The following PIEZO2 variants were observed in gnomAD, a reference collection of about 807,000 sequenced individuals.
The protein encoded by PIEZO2 is piezo type mechanosensitive ion channel component 2, also known as piezo-type mechanosensitive ion channel component 2.
A neutral mutation model predicts 337.3 loss-of-function variants in PIEZO2; 172 were observed. The ratio of observed to expected loss-of-function variants is 0.51; its 90% CI spans 0.45 to 0.58. The LOEUF is 0.58. Among genes scored for constraint, PIEZO2 ranks in the 20% least tolerant of loss-of-function variants. PIEZO2 has a pLI of 0.00. For synonymous variants in PIEZO2, 1,251 were observed against 1,228.5 expected (o/e 1.02, Z -0.38); for missense variants, 3,028 against 3,391.3 (o/e 0.89, Z 2.66).
At chr18:10,885,576 T>C (rs914826006) in intron 4 of PIEZO2, among the ~76,000 whole-genome samples, 1 of 152,306 alleles carries the variant, frequency 6.6e-6, no homozygotes, top group South Asian at 2.1e-4. Context: ...AAAATGATTT[T>C]GTTGTCATCT....
intron 2 of PIEZO2, among the ~76,000 whole-genome samples, chr18:11,060,504 T>A (rs534722298): frequency 1.3e-5 from 2 of 151,988 alleles, no homozygotes; most frequent in African/African-American, 4.8e-5. Context: ...ATTGATAGAC[T>A]GCTAGCAAGA....
Position 10,870,384 on chromosome 18 carries a change from T to C in PIEZO2, c.492+869A>G, listed in dbSNP as rs2042111036. Among the ~76,000 whole-genome samples the C allele has an allele frequency of 6.6e-6, 1 of 152,252 alleles. No homozygotes were observed. The highest frequency in any genetic ancestry group is 2.1e-4 in the South Asian group (1 of 4,834). On this transcript the variant is annotated intron_variant, in intron 5 of 55. Coordinates refer to ENST00000674853, the MANE Select transcript of PIEZO2 (RefSeq NM_001378183.1). The surrounding 1 kb of genome is among the most constrained non-coding windows in gnomAD (Gnocchi z 5.3). Reference sequence around the variant, plus strand: ...TAACTTCAGTTTTATAAGTGTAATATCTTGCCAAAGCTTATGACTGAAAAC... The same window carrying C: ...TAACTTCAGTTTTATAAGTGTAATACCTTGCCAAAGCTTATGACTGAAAAC...
In PIEZO2 at chr18:10,862,607, C is replaced by T. The variant is rs140618114; in HGVS notation, c.493-5396G>A. ...ATCCATGTTTCATTACTCCCAAGCA[C>T]TCTAAAAATCCAACTGGGTTGGAAT... On this transcript the variant is annotated intron_variant, in intron 5 of 55. Transcript: ENST00000674853. The surrounding 1 kb of genome is among the most constrained non-coding windows in gnomAD (Gnocchi z 4.4). Among the ~76,000 whole-genome samples the T allele has an allele frequency of 2.8e-3, 420 of 152,304 alleles. No homozygotes were observed. The Middle Eastern group carries it at 0.061, about 22-fold the overall frequency.
intron 49 of PIEZO2, among the ~76,000 whole-genome samples, chr18:10,686,957 G>T (rs2034570713): frequency 6.6e-6 from 1 of 152,138 alleles, no homozygotes; most frequent in Admixed American, 6.5e-5. Flanking sequence ...TAGGAACCAA[G>T]ATAAAAATGT....
chr18:10,726,654 C>A lies in PIEZO2; in HGVS notation c.5029+4753G>T. On this transcript the variant is annotated intron_variant, in intron 36 of 55. Transcript: ENST00000674853. This position sits in a 1 kb window ranked among gnomAD's most constrained non-coding sequence, Gnocchi z 5.9. ...AGTACTGCGCGCGCGCCAAGCGCGG[C>A]CAGACAGACACCTCGCTGCCAAGTT... 7.1e-7 allele frequency: 1 copy of A among 1,416,852 alleles called. No homozygotes were observed. The highest frequency in any genetic ancestry group is 9.6e-7 in the Non-Finnish European group (1 of 1,040,364). The allele number at this position is 1,416,852 out of a possible 1,614,324, so 87.8% of individuals were successfully genotyped here. A position where few individuals can be genotyped will look rare whatever the true frequency, so the allele number is the denominator to read the frequency against.
Position 11,021,817 on chromosome 18 carries a change from T to C in PIEZO2, c.161-42157A>G, listed in dbSNP as rs1158734786. ...GGACTGCAGATGCAAACCAGGAAAA[T>C]GCCCAGCTCTGCTGCAGTTCCATTC... is the stretch of plus-strand genomic sequence containing the variant. On this transcript the variant is annotated intron_variant, in intron 2 of 55. Coordinates refer to ENST00000674853, the MANE Select transcript of PIEZO2 (RefSeq NM_001378183.1). The surrounding 1 kb of genome is among the most constrained non-coding windows in gnomAD (Gnocchi z 4.7). Among the ~76,000 whole-genome samples the C allele has an allele frequency of 6.6e-6, 1 of 152,166 alleles. No homozygotes were observed. The highest frequency in any genetic ancestry group is 1.5e-5 in the Non-Finnish European group (1 of 68,030).
At chr18:10,944,515 CAGATAT>C (rs368351649) in intron 3 of PIEZO2, among the ~76,000 whole-genome samples, 1 of 15,158 alleles carries the variant, frequency 6.6e-5, no homozygotes, top group Non-Finnish European at 1.3e-4. Context: ...ATCTTAGTAA[CAGATAT>C]ATATATATAT....
At chr18:11,036,481 T>C (rs2036927550) in intron 2 of PIEZO2, among the ~76,000 whole-genome samples, 1 of 152,212 alleles carries the variant, frequency 6.6e-6, no homozygotes, top group Non-Finnish European at 1.5e-5. Flanking sequence ...TCCCTGGATA[T>C]ATCTTTATTC....
chr18:10,936,460 T>G (rs2032404104), intron 3 of PIEZO2, among the ~76,000 whole-genome samples: 1 of 152,126 alleles, frequency 6.6e-6, no homozygotes. Context: ...AACCAAAGAA[T>G]GGAGGCTTTG....
chr18:11,093,173 A>G (rs1194568830), intron 1 of PIEZO2, among the ~76,000 whole-genome samples: 1 of 152,150 alleles, frequency 6.6e-6, no homozygotes, highest in Non-Finnish European at 1.5e-5. Flanking sequence ...TCTCAATTAT[A>G]TAGTAACCTG....
At chr18:10,934,996 GC>G (rs2032303437) in intron 3 of PIEZO2, among the ~76,000 whole-genome samples, 1 of 152,100 alleles carries the variant, frequency 6.6e-6, no homozygotes, top group Non-Finnish European at 1.5e-5. Context: ...AAGCAGAAAA[GC>G]CAGGATTCTC....
At chr18:10,836,303 G>C (rs1026021261) in intron 7 of PIEZO2, among the ~76,000 whole-genome samples, 6 of 152,166 alleles carry the variant, frequency 3.9e-5, no homozygotes, top group Non-Finnish European at 8.8e-5. Context: ...GAGCTTATTG[G>C]CTCACTTATT....
In PIEZO2 at chr18:10,833,818, C is replaced by T. The variant is rs74526947; in HGVS notation, c.917+21535G>A. On this transcript the variant is annotated intron_variant, in intron 7 of 55. Coordinates refer to ENST00000674853, the MANE Select transcript of PIEZO2 (RefSeq NM_001378183.1). This position sits in a 1 kb window ranked among gnomAD's most constrained non-coding sequence, Gnocchi z 4.7. Reference sequence around the variant, plus strand: ...ATCTGCAAATCCTTTGTTTAAAAAACGCATTAGGCTGCCCTTTCCCTGAAG... The same window carrying T: ...ATCTGCAAATCCTTTGTTTAAAAAATGCATTAGGCTGCCCTTTCCCTGAAG... 0.02 allele frequency among the ~76,000 whole-genome samples: 3,012 copies of T among 152,328 alleles called. 39 individuals carry two copies. Among genetic ancestry groups the T allele is most frequent in the Non-Finnish European group, 0.033 (2,229 of 68,032 alleles).
intron 4 of PIEZO2, among the ~76,000 whole-genome samples, chr18:10,881,060 T>C (rs78198739): frequency 0.018 from 2,767 of 151,584 alleles, 81 homozygotes; most frequent in African/African-American, 0.059. Context: ...CTTCCAATAT[T>C]CAAATCAAGG....
At chr18:10,774,982 A>G (rs895160079) in intron 18 of PIEZO2, among the ~76,000 whole-genome samples, 2 of 152,192 alleles carry the variant, frequency 1.3e-5, no homozygotes, top group Admixed American at 6.5e-5. Context: ...TGTTGATTTG[A>G]TATTTGTAAA....
intron 1 of PIEZO2, among the ~76,000 whole-genome samples, chr18:11,120,056 C>T (rs1298548699): frequency 6.6e-6 from 1 of 152,190 alleles, no homozygotes; most frequent in Non-Finnish European, 1.5e-5. Context: ...CGGAATTGCA[C>T]AGGGCACTAA....
chr18:10,800,332 C>CATCAGAGGG lies in PIEZO2; in HGVS notation c.1378+4_1378+5insCCCTCTGAT. ...TGCGACCCTGAGTGCAGGGCTGGCT[C>CATCAGAGGG]CTACCTGAGGATTCATCAGAGGGCT... On this transcript the variant is annotated splice_donor_region_variant and intron_variant, in intron 11 of 55. Transcript: ENST00000674853. The CATCAGAGGG allele has an allele frequency of 6.5e-7, 1 of 1,533,144 alleles. No individual in the cohort carries two copies. The highest frequency in any genetic ancestry group is 8.7e-7 in the Non-Finnish European group (1 of 1,145,124). 95.0% of individuals were successfully genotyped at this position (1,533,144 alleles called of 1,614,324 possible).
intron 4 of PIEZO2, among the ~76,000 whole-genome samples, chr18:10,887,376 A>G (rs978765014): frequency 6.6e-6 from 1 of 151,864 alleles, no homozygotes. Flanking sequence ...GCCGACACAC[A>G]TTTTTAAATG....
At chr18:10,840,332 G>C (rs756353533) in intron 7 of PIEZO2, among the ~76,000 whole-genome samples, 1 of 152,104 alleles carries the variant, frequency 6.6e-6, no homozygotes, top group Non-Finnish European at 1.5e-5. Flanking sequence ...CTTGTGCCAT[G>C]TATGTTAATC....
Sources: allele counts gnomAD v4.1 joint callset (sites outside exome capture counted in the v4.1 genomes callset), GRCh38; gene constraint gnomAD v4.1.1; non-coding constraint Gnocchi (gnomAD v3.1); transcripts MANE v1.5; gene names NCBI Gene and HGNC (gene_info 2026-07-23, HGNC 2026-07-21).